The following RGS10 variants were observed in gnomAD, a reference collection of about 807,000 sequenced individuals.
RGS10 encodes the protein regulator of G-protein signalling 10.
RGS10 carries 11 observed loss-of-function variants against 23.5 expected under a neutral mutation model. The observed-to-expected ratio is 0.47, with a 90% CI of 0.29 to 0.77. The LOEUF is 0.77. RGS10 is among the 30% of genes least tolerant of loss of function. The pLI is 0.08. For missense variants in RGS10, 180 were observed against 226.3 expected (o/e 0.80, Z 1.31); for synonymous variants, 77 against 83.2 (o/e 0.92, Z 0.41).
At chr10:119,539,370 G>A (rs12411320) in intron 1 of RGS10, among the ~76,000 whole-genome samples, 6,253 of 152,298 alleles carry the variant, frequency 0.041, 256 homozygotes, top group East Asian at 0.12. Flanking sequence ...CCGAGGGGAC[G>A]GCCGAAACCT....
rs750284878 is a variant in RGS10 at position 119,524,123 on chromosome 10, T to C, written c.255+1909A>G. On this transcript the variant is annotated intron_variant, in intron 3 of 4. Coordinates refer to ENST00000369103, the MANE Select transcript of RGS10 (RefSeq NM_001005339.2). The surrounding 1 kb of genome is among the most constrained non-coding windows in gnomAD (Gnocchi z 5.2). ...GCCCACGCCTTGCTCCCACGACACA[T>C]GTGCTTCCCATCTCTACACTCATTG... 6.6e-6 allele frequency among the ~76,000 whole-genome samples: 1 copy of C among 152,068 alleles called. No individual in the cohort carries two copies. Among genetic ancestry groups the C allele is most frequent in the Non-Finnish European group, 1.5e-5 (1 of 67,988 alleles).
chr10:119,527,253 C>G lies in RGS10; in HGVS notation c.168+53G>C, dbSNP rs1844285546. The stretch of plus-strand genomic sequence containing the variant: ...TGGCCTATTTCTCCCCTGTGTGCAT[C>G]TGAACTTCTGCACACACTGCATCCA... On this transcript the variant is annotated intron_variant, in intron 2 of 4. Transcript: ENST00000369103. This position sits in a 1 kb window ranked among gnomAD's most constrained non-coding sequence, Gnocchi z 4.2. 7.5e-7 allele frequency: 1 copy of G among 1,331,646 alleles called. No individual in the cohort carries two copies. Among genetic ancestry groups the G allele is most frequent in the African/African-American group, 1.4e-5 (1 of 69,540 alleles). 82.5% of individuals were successfully genotyped at this position (1,331,646 alleles called of 1,614,324 possible).
At chr10:119,522,701 A>G (rs1844231402) in intron 3 of RGS10, among the ~76,000 whole-genome samples, 1 of 146,348 alleles carries the variant, frequency 6.8e-6, no homozygotes, top group Non-Finnish European at 1.5e-5. Context: ...CTGGGCGAGA[A>G]GAGCGAAACT....
At chr10:119,521,297 G>A (rs1029284280) in intron 3 of RGS10, among the ~76,000 whole-genome samples, 5 of 152,106 alleles carry the variant, frequency 3.3e-5, no homozygotes, top group Admixed American at 6.6e-5. Context: ...ATTGCTGGGC[G>A]TGGTGGTTCA....
intron 4 of RGS10, among the ~76,000 whole-genome samples, chr10:119,508,671 G>A (rs145121175): frequency 8.5e-5 from 13 of 152,304 alleles, no homozygotes; most frequent in East Asian, 7.7e-4. Context: ...TAACGTCATC[G>A]ATTTCCTGCT....
intron 4 of RGS10, among the ~76,000 whole-genome samples, chr10:119,503,917 G>C (rs913026954): frequency 6.6e-6 from 1 of 152,130 alleles, no homozygotes; most frequent in African/African-American, 2.4e-5. Flanking sequence ...CACATTCTGG[G>C]GATTAGGACT....
At chr10:119,514,361 A>G (rs1375514624) in intron 4 of RGS10, among the ~76,000 whole-genome samples, 1 of 150,338 alleles carries the variant, frequency 6.7e-6, no homozygotes, top group Non-Finnish European at 1.5e-5. Context: ...CGTTTCAAAG[A>G]AAAAAACCTG....
rs187311391 is a variant in RGS10 at position 119,524,948 on chromosome 10, G to A, written c.255+1084C>T. Among the ~76,000 whole-genome samples the A allele has an allele frequency of 1.1e-3, 170 of 152,310 alleles. 1 individual carries two copies. The highest frequency in any genetic ancestry group is 4.0e-3 in the African/African-American group (165 of 41,566). On this transcript the variant is annotated intron_variant, in intron 3 of 4. Coordinates refer to ENST00000369103, the MANE Select transcript of RGS10 (RefSeq NM_001005339.2). This position sits in a 1 kb window ranked among gnomAD's most constrained non-coding sequence, Gnocchi z 5.2. ...ATATACATTTTCCAAGCAGTTGTCT[G>A]CAAACGCTTCACGGCTTCTGGCCCA...
intron 4 of RGS10, among the ~76,000 whole-genome samples, chr10:119,513,298 A>T (rs1844098784): frequency 6.6e-6 from 1 of 152,008 alleles, no homozygotes; most frequent in African/African-American, 2.4e-5. Context: ...TCTCTACAAA[A>T]AAAATACAAA....
intron 4 of RGS10, among the ~76,000 whole-genome samples, chr10:119,514,091 C>T (rs1399748081): frequency 6.6e-6 from 1 of 152,184 alleles, no homozygotes; most frequent in Non-Finnish European, 1.5e-5. Flanking sequence ...CGTGGTGGCT[C>T]ACGCCTGTAA....
chr10:119,542,467 C>T, intron 1 of RGS10, 123 bp downstream of exon 1: 3 of 817,082 alleles, frequency 3.7e-6, no homozygotes, highest in Non-Finnish European at 5.1e-6. Flanking sequence ...GTGGTGCGGT[C>T]GGCCGGGGCT....
intron 3 of RGS10, among the ~76,000 whole-genome samples, chr10:119,521,449 A>C (rs1217632701): frequency 5.3e-5 from 8 of 151,942 alleles, no homozygotes; most frequent in African/African-American, 1.7e-4. Flanking sequence ...GGGTGCCTGT[A>C]ATCCCAGCTA....
Position 119,542,608 on chromosome 10 carries a change from T to A in RGS10, c.31A>T (p.Arg11Trp), listed in dbSNP as rs1346005121. 7.0e-7 allele frequency: 1 copy of A among 1,425,950 alleles called. No individual in the cohort carries two copies. Among genetic ancestry groups the A allele is most frequent in the Non-Finnish European group, 9.2e-7 (1 of 1,087,270 alleles). 88.3% of individuals were successfully genotyped at this position (1,425,950 alleles called of 1,614,324 possible). Residue 11 changes from arginine to tryptophan, a missense_variant, in exon 1 of 5, where the codon AGG (arginine) becomes TGG (tryptophan). By Grantham distance (101) the Arg-to-Trp change is moderately radical. Transcript: ENST00000369103. ...CGCTTACCTGACGGCGGCCGCTTCC[T>A]GCTCAGCCGGCTCACGGCGCGGTTG... MFNRAVSRLS[R>W]KRPPSDIHDS...
At chr10:119,530,965 C>G (rs1374579271) in intron 1 of RGS10, among the ~76,000 whole-genome samples, 1 of 152,194 alleles carries the variant, frequency 6.6e-6, no homozygotes, top group African/African-American at 2.4e-5. Flanking sequence ...TTAAACACAT[C>G]ACCAAATGGA....
chr10:119,529,827 C>CTCA (rs1404677794), intron 1 of RGS10, among the ~76,000 whole-genome samples: 1 of 152,188 alleles, frequency 6.6e-6, no homozygotes. Flanking sequence ...GGCGAGGTGG[C>CTCA]TCACTCCTGT....
At chr10:119,501,642 G>C (rs1843954214) in intron 4 of RGS10, among the ~76,000 whole-genome samples, 1 of 152,034 alleles carries the variant, frequency 6.6e-6, no homozygotes, top group Non-Finnish European at 1.5e-5. Flanking sequence ...AGAATCACTT[G>C]AACCCAGGAG....
At chr10:119,523,707 G>A (rs1844243433) in intron 3 of RGS10, among the ~76,000 whole-genome samples, 2 of 152,180 alleles carry the variant, frequency 1.3e-5, no homozygotes, top group Non-Finnish European at 2.9e-5. Context: ...AGGGGTACAG[G>A]CATGGAAAGG....
chr10:119,527,356 C>T lies in RGS10; in HGVS notation c.118G>A (p.Ala40Thr), dbSNP rs1170787874. Residue 40 changes from alanine to threonine, a missense_variant, in exon 2 of 5, where the codon GCA becomes ACA. By Grantham distance (58) the Ala-to-Thr change is moderately conservative. Transcript: ENST00000369103. This position sits in a 1 kb window ranked among gnomAD's most constrained non-coding sequence, Gnocchi z 4.2. ...TCTTCCAGCAGATTCTCCAGGGATG[C>T]CGCCCATTTGGCTGTGCTCTTGAGG... ...QSLKSTAKWA[A>T]SLENLLEDPE... The T allele has an allele frequency of 1.2e-6, 2 of 1,614,088 alleles. No individual in the cohort carries two copies. The highest frequency in any genetic ancestry group is 1.7e-6 in the Non-Finnish European group (2 of 1,180,020).
chr10:119,509,992 T>A lies in RGS10; in HGVS notation c.399+5517A>T, dbSNP rs1844059505. ...AGGGGAGGGGCAGAGCTCAGGCCAC[T>A]CCCACTCACCATACAAATGGTGAGC... On this transcript the variant is annotated intron_variant, in intron 4 of 4. Transcript: ENST00000369103. 2.6e-5 allele frequency among the ~76,000 whole-genome samples: 4 copies of A among 152,106 alleles called. No homozygotes were observed. The South Asian group carries it at 8.3e-4, about 32-fold the overall frequency.
Sources: allele counts gnomAD v4.1 joint callset (sites outside exome capture counted in the v4.1 genomes callset), GRCh38; gene constraint gnomAD v4.1.1; non-coding constraint Gnocchi (gnomAD v3.1); transcripts MANE v1.5; gene names NCBI Gene and HGNC (gene_info 2026-07-23, HGNC 2026-07-21).